The following NFX1 variants were observed in gnomAD, a reference collection of about 807,000 sequenced individuals.
The protein encoded by NFX1 is transcriptional repressor NF-X1.
In NFX1, 69 loss-of-function variants were observed where a neutral mutation model predicts 137.2. That is an observed-to-expected ratio of 0.50 (90% CI 0.41 to 0.61). The LOEUF (loss-of-function observed/expected upper bound fraction) is 0.61, where lower values mean the gene tolerates loss of function less well. Among genes scored for constraint, NFX1 ranks in the 20% least tolerant of loss-of-function variants. NFX1 has a pLI of 0.00. For missense variants in NFX1, 1,167 were observed against 1,391.0 expected (o/e 0.84, Z 2.56); for synonymous variants, 495 against 474.1 (o/e 1.04, Z -0.57).
chr9:33,311,268 T>C (rs1821950130), intron 6 of NFX1, 91 bp downstream of exon 6: 1 of 1,171,680 alleles, frequency 8.5e-7, no homozygotes, highest in African/African-American at 1.5e-5. Context: ...AGTAGGTAGA[T>C]ACAAATAAAT....
At chr9:33,345,657 T>C (rs1823394178) in intron 14 of NFX1, among the ~76,000 whole-genome samples, 1 of 152,066 alleles carries the variant, frequency 6.6e-6, no homozygotes. Flanking sequence ...TTTAACTAGC[T>C]TTTTTTCCCA....
chr9:33,352,974 C>G lies in NFX1; in HGVS notation c.2729+255C>G, dbSNP rs188799758. On this transcript the variant is annotated intron_variant, in intron 17 of 23. Transcript: ENST00000379540. Reference sequence around the variant, plus strand: ...TATTGAGAGGGGTCTCGCCCTGTTTCCCAGGCTGGTCTCCCACCTTGGCCT... The same window carrying G: ...TATTGAGAGGGGTCTCGCCCTGTTTGCCAGGCTGGTCTCCCACCTTGGCCT... 38 of 362,476 alleles carry G rather than the reference C, an allele frequency of 1.0e-4. No homozygotes were observed. The Admixed American group carries it at 1.6e-3, about 15-fold the overall frequency. 22.5% of individuals were successfully genotyped at this position (362,476 alleles called of 1,614,324 possible).
At chr9:33,312,596 C>T (rs892672996) in intron 6 of NFX1, among the ~76,000 whole-genome samples, 33 of 152,328 alleles carry the variant, frequency 2.2e-4, no homozygotes, top group African/African-American at 7.0e-4. Flanking sequence ...TGCGGCTGGG[C>T]GCAGTGGCCC....
rs545158372 is a variant in NFX1 at position 33,367,453 on chromosome 9, T to G, written c.3186-62T>G. 67 of 1,554,338 alleles carry G rather than the reference T, an allele frequency of 4.3e-5. No homozygotes were observed. In the South Asian group the frequency reaches 7.4e-4, roughly 17 times the overall value. On this transcript the variant is annotated intron_variant, in intron 22 of 23. Transcript: ENST00000379540. The stretch of plus-strand genomic sequence containing the variant: ...CAAAATCAAGGGCTGAGTTTCTAGC[T>G]TTCTGTCCATCTCCACAAACAATTC...
At chr9:33,321,934 T>G (rs1311934538) in intron 9 of NFX1, among the ~76,000 whole-genome samples, 2 of 151,280 alleles carry the variant, frequency 1.3e-5, no homozygotes, top group African/African-American at 4.9e-5. Context: ...GTGCAGTGGT[T>G]CACATCTGTA....
intron 6 of NFX1, among the ~76,000 whole-genome samples, chr9:33,312,267 G>A (rs1362946194): frequency 6.6e-6 from 1 of 152,194 alleles, no homozygotes; most frequent in Non-Finnish European, 1.5e-5. Context: ...TCACTTACTG[G>A]TTGTTGATTC....
Position 33,319,119 on chromosome 9 carries a change from G to A in NFX1, c.1898G>A (p.Gly633Asp), listed in dbSNP as rs764716427. The change falls in exon 9 of 24, where the codon GGT becomes GAT. Residue 633 changes from glycine (G) to aspartate (D), a missense_variant. Physicochemically the swap from Gly to Asp is moderately conservative, Grantham distance 94 (BLOSUM62 -1). Around this residue, in one of 3 missense-constraint regions of NFX1, gnomAD observed 488 missense variants for 691.5 expected, o/e 0.71. Coordinates refer to ENST00000379540, the MANE Select transcript of NFX1 (RefSeq NM_002504.6). ...GTGTGCGGCAAGCCTCTGCCTTGTGGTTCCTTAGGTAACTAGTAAGCGTAA... is the reference window on the plus strand; with the variant it reads ...GTGTGCGGCAAGCCTCTGCCTTGTGATTCCTTAGGTAACTAGTAAGCGTAA... ...GKVCGKPLPC[G>D]SLDFIHTCEK... The A allele has an allele frequency of 6.2e-7, 1 of 1,614,130 alleles. No homozygotes were observed. The highest frequency in any genetic ancestry group is 8.5e-7 in the Non-Finnish European group (1 of 1,179,976).
In NFX1 at chr9:33,290,605, C is replaced by A; in HGVS notation, c.25+8C>A. ...AGGCGCCTCCTGTCTCAGGTATTGTCCCGGCCCGAGCGGGACTGGGCCCCT... is the reference window on the plus strand; with the variant it reads ...AGGCGCCTCCTGTCTCAGGTATTGTACCGGCCCGAGCGGGACTGGGCCCCT... On this transcript the variant is annotated splice_region_variant and intron_variant, in intron 1 of 23. Coordinates refer to ENST00000379540, the MANE Select transcript of NFX1 (RefSeq NM_002504.6). 6.2e-7 allele frequency: 1 copy of A among 1,612,748 alleles called. No individual in the cohort carries two copies. Among genetic ancestry groups the A allele is most frequent in the Non-Finnish European group, 8.5e-7 (1 of 1,179,634 alleles).
At chr9:33,350,341 A>G (rs558153948) in intron 15 of NFX1, among the ~76,000 whole-genome samples, 3 of 151,966 alleles carry the variant, frequency 2.0e-5, no homozygotes, top group Admixed American at 6.6e-5. Flanking sequence ...AAACGAAAAA[A>G]TGGCCCTGCC....
intron 22 of NFX1, 95 bp downstream of exon 22, chr9:33,366,869 C>G (rs1824186294): frequency 7.1e-7 from 1 of 1,399,124 alleles, no homozygotes; most frequent in African/African-American, 1.4e-5. Flanking sequence ...CTTACTACCA[C>G]TCTCCCTCTT....
chr9:33,322,231 G>T (rs1054055590), intron 9 of NFX1, among the ~76,000 whole-genome samples: 1 of 148,656 alleles, frequency 6.7e-6, no homozygotes, highest in Non-Finnish European at 1.5e-5. Flanking sequence ...TCTAGAAATT[G>T]CCCTAAGAGC....
chr9:33,298,401 G>A (rs977114960), intron 2 of NFX1, among the ~76,000 whole-genome samples: 2 of 152,224 alleles, frequency 1.3e-5, no homozygotes, highest in Non-Finnish European at 2.9e-5. Flanking sequence ...GATCATGTGA[G>A]TCCCTTGGAT....
chr9:33,342,145 C>T (rs1372818583), intron 12 of NFX1, among the ~76,000 whole-genome samples: 3 of 150,708 alleles, frequency 2.0e-5, no homozygotes, highest in Non-Finnish European at 4.4e-5. Flanking sequence ...CACACACACA[C>T]ACACACGATG....
At chr9:33,350,017 A>C (rs1388465312) in intron 15 of NFX1, among the ~76,000 whole-genome samples, 1 of 152,056 alleles carries the variant, frequency 6.6e-6, no homozygotes, top group Admixed American at 6.6e-5. Context: ...AAAAAAAACA[A>C]AACAGGCCAG....
intron 4 of NFX1, among the ~76,000 whole-genome samples, chr9:33,304,524 A>C (rs1186388582): frequency 6.6e-6 from 1 of 152,062 alleles, no homozygotes; most frequent in African/African-American, 2.4e-5. Context: ...TTTACCATCA[A>C]CTCTGAATCT....
chr9:33,294,648 C>T lies in NFX1; in HGVS notation c.254C>T (p.Thr85Met), dbSNP rs780568457. Residue 85 changes from threonine (T) to methionine (M), a missense_variant, in exon 2 of 24, where the codon ACG becomes ATG. Thr to Met is a moderately conservative substitution (Grantham distance 81, BLOSUM62 -1). Transcript: ENST00000379540. ...PSGSKPKSQQTSFQSSPCNKS... is the reference protein window; with the variant it reads ...PSGSKPKSQQMSFQSSPCNKS... ...GGAAGCAAACCTAAGAGTCAGCAGA[C>T]GTCTTTCCAGTCCTCTCCTTGTAAT... 44 of 1,614,076 alleles carry T rather than the reference C, an allele frequency of 2.7e-5. No individual in the cohort carries two copies. The Middle Eastern group carries it at 4.9e-4, about 18-fold the overall frequency.
intron 12 of NFX1, 60 bp from the exon 13 acceptor site, chr9:33,342,686 A>G (rs1769363626): frequency 1.7e-6 from 2 of 1,156,410 alleles, no homozygotes; most frequent in Non-Finnish European, 1.2e-6. Flanking sequence ...TCTTGTTGTT[A>G]TTTATGGAAA....
At position 33,370,531 on chromosome 9, in the gene NFX1, G is replaced by T. The variant is rs999849724; in HGVS notation, c.*553G>T. On this transcript the variant is annotated 3_prime_UTR_variant, in exon 24 of 24. Coordinates refer to ENST00000379540, the MANE Select transcript of NFX1 (RefSeq NM_002504.6). ...CCCAGCCATCATACCTAAGTCTTTT[G>T]CCAAAACCTCTCATAGGTATATCTA... 6.6e-6 allele frequency: 1 copy of T among 152,444 alleles called. No homozygotes were observed. The highest frequency in any genetic ancestry group is 2.4e-5 in the African/African-American group (1 of 41,418). The allele number at this position is 152,444 out of a possible 1,614,324, so 9.4% of individuals were successfully genotyped here.
rs774708136 is a variant in NFX1, at chr9:33,342,823, T to C, written c.2193T>C (p.His731=). The C allele has an allele frequency of 1.8e-5, 29 of 1,613,408 alleles. No individual in the cohort carries two copies. Among genetic ancestry groups the C allele is most frequent in the Non-Finnish European group, 2.3e-5 (27 of 1,179,790 alleles). Residue 731 remains histidine, a synonymous_variant, in exon 13 of 24, where the codon CAT becomes CAC. Transcript: ENST00000379540. ...CGLHRCEEPC[H]RGNCQTCWQA... is the part of the protein sequence containing the mutation. ...TTCATAGGTGTGAAGAACCTTGTCA[T>C]CGTGGAAACTGCCAGACATGCTGGC...
Sources: gnomAD v4.1 joint callset for allele counts (sites outside exome capture counted in the v4.1 genomes callset) on GRCh38, gnomAD v4.1.1 for gene constraint, gnomAD v4.1.1 regional missense constraint, MANE v1.5 for transcripts, NCBI Gene and HGNC (gene_info 2026-07-23, HGNC 2026-07-21) for gene names.